The following MCF2L variants were observed in gnomAD, a reference collection of about 807,000 sequenced individuals.
MCF2L encodes MCF.2 cell line derived transforming sequence like, also known as guanine nucleotide exchange factor DBS.
MCF2L carries 97 observed loss-of-function variants against 153.4 expected under a neutral mutation model. The ratio of observed to expected loss-of-function variants is 0.63; its 90% CI spans 0.54 to 0.75. MCF2L has a LOEUF of 0.75. Among genes scored for constraint, MCF2L ranks in the 30% least tolerant of loss-of-function variants. The pLI is 0.00. For missense variants in MCF2L, 1,347 were observed against 1,495.2 expected, an observed-to-expected ratio of 0.90 and a Z score of 1.64; for synonymous variants, 659 against 632.2, an observed-to-expected ratio of 1.04 and a Z score of -0.64.
At chr13:112,990,181 T>C (rs1343494845) in intron 1 of MCF2L, among the ~76,000 whole-genome samples, 2 of 152,146 alleles carry the variant, frequency 1.3e-5, no homozygotes, top group African/African-American at 2.4e-5. Context: ...TTCAGATCTG[T>C]GGGAACCTTG....
chr13:113,057,569 CTGTGTGTTTGAGTGG>C (rs2030319661), intron 4 of MCF2L, among the ~76,000 whole-genome samples: 1 of 129,698 alleles, frequency 7.7e-6, no homozygotes, highest in Non-Finnish European at 1.6e-5. Flanking sequence ...TGTTTGGGTG[CTGTGTGTTTGAGTGG>C]TGTGTGTTTG....
intron 4 of MCF2L, among the ~76,000 whole-genome samples, chr13:113,050,732 G>T (rs2087223467): frequency 3.4e-5 from 1 of 29,588 alleles, no homozygotes; most frequent in African/African-American, 1.4e-4. Context: ...GGGGCGGGGG[G>T]GGCGGGGGGA....
At chr13:112,970,044 C>T (rs1335451932) in intron 1 of MCF2L, among the ~76,000 whole-genome samples, 1 of 152,096 alleles carries the variant, frequency 6.6e-6, no homozygotes, top group Non-Finnish European at 1.5e-5. Context: ...CAGATCGATT[C>T]TTTTAGGTGT....
intron 1 of MCF2L, among the ~76,000 whole-genome samples, chr13:112,994,306 G>A (rs944980659): frequency 1.3e-4 from 20 of 149,914 alleles, no homozygotes; most frequent in African/African-American, 4.7e-4. Context: ...CGCGTGGGAC[G>A]CCAAGCTGAC....
chr13:112,979,671 G>A (rs1287370593), intron 1 of MCF2L: 1 of 1,612,908 alleles, frequency 6.2e-7, no homozygotes, highest in Non-Finnish European at 8.5e-7. Context: ...CGGTTCGATG[G>A]CCGAGAAGGG....
chr13:112,977,614 C>T (rs570340797), intron 1 of MCF2L, among the ~76,000 whole-genome samples: 1 of 152,310 alleles, frequency 6.6e-6, no homozygotes, highest in African/African-American at 2.4e-5. Flanking sequence ...ATCCAATCTG[C>T]GCAGCTGGAA....
chr13:113,058,093 T>A (rs578138148), intron 4 of MCF2L, among the ~76,000 whole-genome samples: 174 of 148,972 alleles, frequency 1.2e-3, no homozygotes, highest in African/African-American at 4.3e-3. Flanking sequence ...GGGTGCTGAG[T>A]GTTTGGGCGC....
In MCF2L at chr13:113,096,378, G is replaced by A; in HGVS notation, c.3083G>A (p.Gly1028Asp). The A allele has an allele frequency of 6.3e-7, 1 of 1,578,592 alleles. No individual in the cohort carries two copies. Among genetic ancestry groups the A allele is most frequent in the Non-Finnish European group, 8.6e-7 (1 of 1,163,286 alleles). Residue 1028 changes from glycine to aspartate, a missense_variant, in exon 28 of 30, where the codon GGT (glycine) becomes GAT (aspartate). Physicochemically the swap from Gly to Asp is moderately conservative, Grantham distance 94. Around this residue, in one of 3 missense-constraint regions of MCF2L, gnomAD observed 383 missense variants for 335.4 expected, o/e 1.14. Coordinates refer to ENST00000535094, the MANE Select transcript of MCF2L (RefSeq NM_001112732.3). Reference protein sequence around the residue: ...GGLGPKKLVPGKYTVVADHEK... With the variant: ...GGLGPKKLVPDKYTVVADHEK... ...CTGCCCGTCTCCCACCAGGTTCCAGGTAAATACACGGTCGTGGCGGACCAC... is the reference window on the plus strand; with the variant it reads ...CTGCCCGTCTCCCACCAGGTTCCAGATAAATACACGGTCGTGGCGGACCAC...
intron 1 of MCF2L, chr13:113,001,858 G>T: frequency 3.2e-6 from 5 of 1,545,576 alleles, no homozygotes; most frequent in South Asian, 1.2e-5. Flanking sequence ...TTGTGTGCCC[G>T]GGAAGGGCGT....
Position 113,074,640 on chromosome 13 carries a change from T to C in MCF2L, c.1116+77T>C, listed in dbSNP as rs1440470934. 3.2e-6 allele frequency: 5 copies of C among 1,583,018 alleles called. No homozygotes were observed. The highest frequency in any genetic ancestry group is 2.0e-4 in the Middle Eastern group (1 of 5,112). ...AGTGCTGCTCAGGAAGGCGCAGGAA[T>C]GGGCCTCCCGCCTACGGAGAACGGA... On this transcript the variant is annotated intron_variant, in intron 10 of 29. Coordinates refer to ENST00000535094, the MANE Select transcript of MCF2L (RefSeq NM_001112732.3). The surrounding 1 kb of genome is among the most constrained non-coding windows in gnomAD (Gnocchi z 4.2).
intron 1 of MCF2L, chr13:113,001,157 A>AT (rs2083354431): frequency 6.6e-6 from 1 of 151,876 alleles, no homozygotes; most frequent in African/African-American, 2.4e-5. Flanking sequence ...CAAGTGACGT[A>AT]TTTAAGTATC....
chr13:113,013,463 C>T (rs2084306287), intron 1 of MCF2L, among the ~76,000 whole-genome samples: 1 of 152,216 alleles, frequency 6.6e-6, no homozygotes, highest in South Asian at 2.1e-4. Flanking sequence ...AGGGCCGCAG[C>T]CAGCACGGCC....
intron 2 of MCF2L, among the ~76,000 whole-genome samples, chr13:112,942,035 C>T (rs1018981865): frequency 8.5e-5 from 13 of 152,206 alleles, no homozygotes; most frequent in Admixed American, 5.2e-4. Context: ...GAAAAACACC[C>T]ACTACTTAGC....
intron 2 of MCF2L, among the ~76,000 whole-genome samples, chr13:112,924,266 G>A (rs1594334166): frequency 6.6e-6 from 1 of 151,986 alleles, no homozygotes; most frequent in East Asian, 1.9e-4. Flanking sequence ...ACACGCAGCT[G>A]GGCTACAGAG....
rs1482758550 is a variant in MCF2L at position 112,943,602 on chromosome 13, G to A, written c.169+41231G>A. Reference sequence around the variant, plus strand: ...TTCAAGGAGGAGGCCCCGTGCAGGCGCCCAGGCGCAGAGGAGGCGCGGGGG... The same window carrying A: ...TTCAAGGAGGAGGCCCCGTGCAGGCACCCAGGCGCAGAGGAGGCGCGGGGG... On this transcript the variant is annotated intron_variant, in intron 2 of 29. Transcript: ENST00000375608. This position sits in a 1 kb window ranked among gnomAD's most constrained non-coding sequence, Gnocchi z 4.2. Among the ~76,000 whole-genome samples, 4 of 152,136 alleles carry A rather than the reference G, an allele frequency of 2.6e-5. No individual in the cohort carries two copies. Among genetic ancestry groups the A allele is most frequent in the Admixed American group, 6.5e-5 (1 of 15,278 alleles).
intron 26 of MCF2L, chr13:113,090,614 C>T (rs1777508022): frequency 2.0e-6 from 2 of 985,370 alleles, no homozygotes; most frequent in Admixed American, 6.1e-5. Flanking sequence ...ATGCCCTGCT[C>T]ACCTGCGAGA....
At chr13:113,083,159 G>T (rs1319104673) in intron 17 of MCF2L, among the ~76,000 whole-genome samples, 3 of 152,178 alleles carry the variant, frequency 2.0e-5, no homozygotes, top group African/African-American at 7.2e-5. Flanking sequence ...TGCACACGCA[G>T]TGCAGAATGC....
At chr13:112,992,362 T>G (rs2140983555) in intron 1 of MCF2L, among the ~76,000 whole-genome samples, 1 of 152,302 alleles carries the variant, frequency 6.6e-6, no homozygotes, top group Non-Finnish European at 1.5e-5. Flanking sequence ...TACCTAAGAA[T>G]CTGCCTAAAC....
Position 113,050,363 on chromosome 13 carries a change from A to C in MCF2L, c.369+5002A>C, listed in dbSNP as rs1035205889. ...AATTTGTAATAGAGTATATATATTC[A>C]TGTTTAGAGCTAGCCTAAATCAAAC... On this transcript the variant is annotated intron_variant, in intron 4 of 29. Transcript: ENST00000535094. Among the ~76,000 whole-genome samples the C allele has an allele frequency of 4.0e-5, 6 of 151,726 alleles. No individual in the cohort carries two copies. In the East Asian group the frequency reaches 1.2e-3, roughly 30 times the overall value.
Sources: gnomAD v4.1 joint callset for allele counts (sites outside exome capture counted in the v4.1 genomes callset) on GRCh38, gnomAD v4.1.1 for gene constraint, gnomAD v4.1.1 regional missense constraint, Gnocchi (gnomAD v3.1) non-coding constraint, MANE v1.5 for transcripts, NCBI Gene and HGNC (gene_info 2026-07-23, HGNC 2026-07-21) for gene names.